UBR4: variants seen among roughly 807,000 people sequenced by gnomAD.
UBR4 encodes the protein ubiquitin protein ligase E3 component n-recognin 4, also known as E3 ubiquitin-protein ligase UBR4.
UBR4 carries 124 observed loss-of-function variants against 575.6 expected under a neutral mutation model. The observed-to-expected ratio is 0.22, with a 90% CI of 0.19 to 0.25. The LOEUF (loss-of-function observed/expected upper bound fraction) is 0.25. UBR4 is among the 10% of genes least tolerant of loss of function. The probability of loss-of-function intolerance (pLI) is 1.00; values close to 1 mark genes in which losing one functional copy is unlikely to be tolerated. For missense variants in UBR4, 4,818 were observed against 6,478.8 expected, an observed-to-expected ratio of 0.74 and a Z score of 8.80; for synonymous variants, 2,455 against 2,473.7, an observed-to-expected ratio of 0.99 and a Z score of 0.22.
Position 19,074,617 on chromosome 1 carries a change from G to A in UBR4, c.*215C>T. Reference sequence around the variant, plus strand: ...CCTAGGTATGTACAGGCCCTTTGATGGCTTGGGTTACAGACAACCTCATAG... The same window carrying A: ...CCTAGGTATGTACAGGCCCTTTGATAGCTTGGGTTACAGACAACCTCATAG... On this transcript the variant is annotated 3_prime_UTR_variant, in exon 106 of 106. Transcript: ENST00000375254. 1.7e-6 allele frequency: 1 copy of A among 601,192 alleles called. No individual in the cohort carries two copies. 37.2% of individuals were successfully genotyped at this position (601,192 alleles called of 1,614,324 possible).
chr1:19,104,927 A>G (rs767920062), intron 85 of UBR4, 121 bp downstream of exon 85: 23 of 1,448,238 alleles, frequency 1.6e-5, no homozygotes, highest in Admixed American at 6.7e-5. Context: ...ATATTTCCAA[A>G]CACCTTCAAC....
chr1:19,162,325 G>A, intron 35 of UBR4, 95 bp downstream of exon 35: 1 of 1,446,458 alleles, frequency 6.9e-7, no homozygotes, highest in South Asian at 1.4e-5. Flanking sequence ...AAGTTTTGAA[G>A]CTCACAGGAG....
chr1:19,193,108 A>G (rs931037159), intron 9 of UBR4, among the ~76,000 whole-genome samples: 1 of 152,206 alleles, frequency 6.6e-6, no homozygotes, highest in African/African-American at 2.4e-5. Context: ...GTATTGTTTC[A>G]GCGCACTTAA....
chr1:19,116,072 AGTCATAAAGAGGAAGGTAT>A (rs2080491508), intron 73 of UBR4, among the ~76,000 whole-genome samples: 1 of 152,220 alleles, frequency 6.6e-6, no homozygotes, highest in South Asian at 2.1e-4. Flanking sequence ...TGCTAAGTCA[AGTCATAAAGAGGAAGGTAT>A]GTAATAATTT....
At chr1:19,076,410 T>C (rs894464172) in intron 105 of UBR4, among the ~76,000 whole-genome samples, 1 of 152,198 alleles carries the variant, frequency 6.6e-6, no homozygotes, top group Non-Finnish European at 1.5e-5. Context: ...TGGCCACTTA[T>C]TTGATCTTCA....
At chr1:19,188,909 C>CAG (rs1412385669) in intron 11 of UBR4, among the ~76,000 whole-genome samples, 1 of 152,104 alleles carries the variant, frequency 6.6e-6, no homozygotes, top group Non-Finnish European at 1.5e-5. Context: ...TTCAAGGTTA[C>CAG]AGTGAGCTAT....
At chr1:19,121,859 T>C (rs2081216932) in intron 67 of UBR4, 75 bp downstream of exon 67, 6 of 1,515,724 alleles carry the variant, frequency 4.0e-6, no homozygotes, top group East Asian at 4.6e-5. Context: ...TCCAGTTCAG[T>C]GCTTGGCATA....
intron 14 of UBR4, among the ~76,000 whole-genome samples, chr1:19,185,674 A>T (rs900327362): frequency 6.6e-6 from 1 of 151,354 alleles, no homozygotes; most frequent in Non-Finnish European, 1.5e-5. Flanking sequence ...CCCAGGTTCA[A>T]GCGATTCTCC....
intron 74 of UBR4, among the ~76,000 whole-genome samples, chr1:19,115,153 C>T (rs1399600952): frequency 6.6e-6 from 1 of 152,008 alleles, no homozygotes; most frequent in African/African-American, 2.4e-5. Context: ...TCCCTCCGCC[C>T]TTACCCTCCA....
chr1:19,161,690 T>C lies in UBR4; in HGVS notation c.5074A>G (p.Thr1692Ala). The C allele has an allele frequency of 6.2e-7, 1 of 1,613,722 alleles. No individual in the cohort carries two copies. Among genetic ancestry groups the C allele is most frequent in the Non-Finnish European group, 8.5e-7 (1 of 1,179,696 alleles). Residue 1692 changes from threonine (T) to alanine (A), a missense_variant, in exon 37 of 106, where the codon ACA (threonine) becomes GCA (alanine). Around this residue, in one of 29 missense-constraint regions of UBR4, gnomAD observed 7 missense variants for 63.2 expected, o/e 0.11. Coordinates refer to ENST00000375254, the MANE Select transcript of UBR4 (RefSeq NM_020765.3). The part of the protein sequence containing the change: ...CKMVDGVGVC[T>A]VCAKVCHKDH... ...TTGTGGCACACCTTAGCACACACTGTGCAGACACCCACGCCATCCACCATT... is the reference window on the plus strand; with the variant it reads ...TTGTGGCACACCTTAGCACACACTGCGCAGACACCCACGCCATCCACCATT...
At chr1:19,081,028 GA>G (rs1168072728) in intron 103 of UBR4, 1 of 231,504 alleles carries the variant, frequency 4.3e-6, no homozygotes, top group Non-Finnish European at 8.4e-6. Context: ...GCAAGATGTG[GA>G]AAACCTGATT....
rs749645294 is a variant in UBR4, at chr1:19,139,235, A to G, written c.8594-15T>C. On this transcript the variant is annotated splice_polypyrimidine_tract_variant and intron_variant, in intron 58 of 105. Coordinates refer to ENST00000375254, the MANE Select transcript of UBR4 (RefSeq NM_020765.3). This position sits in a 1 kb window ranked among gnomAD's most constrained non-coding sequence, Gnocchi z 4.2. The stretch of plus-strand genomic sequence containing the variant: ...TGAGGCTGGAGCTGAGAGAGTAACG[A>G]GAGCTGTTACAGGTTAAAAAACAAA... The G allele has an allele frequency of 6.3e-6, 10 of 1,593,638 alleles. No individual in the cohort carries two copies. The highest frequency in any genetic ancestry group is 2.6e-6 in the Non-Finnish European group (3 of 1,169,816).
rs773054063 is a variant in UBR4 at position 19,210,220 on chromosome 1, G to A, written c.29C>T (p.Ala10Val). Residue 10 changes from alanine (A) to valine (V), a missense_variant, in exon 1 of 106, where the codon GCG (alanine) becomes GTG (valine). By Grantham distance (64) the Ala-to-Val change is moderately conservative (BLOSUM62 0). Coordinates refer to ENST00000375254, the MANE Select transcript of UBR4 (RefSeq NM_020765.3). MATSGGEEAAAAAPAPGTPA... is the reference protein window; with the variant it reads MATSGGEEAVAAAPAPGTPA... ...GGTCCCCGGCGCCGGAGCCGCTGCC[G>A]CCGCCTCTTCGCCGCCGCTCGTCGC... 2.8e-6 allele frequency: 4 copies of A among 1,440,360 alleles called. No individual in the cohort carries two copies. The highest frequency in any genetic ancestry group is 3.6e-6 in the Non-Finnish European group (4 of 1,099,906). 89.2% of individuals were successfully genotyped at this position (1,440,360 alleles called of 1,614,324 possible). A position where few individuals can be genotyped will look rare whatever the true frequency, so the allele number is the denominator to read the frequency against.
intron 99 of UBR4, 68 bp from the exon 100 acceptor site, chr1:19,086,889 G>T: frequency 1.3e-6 from 2 of 1,580,916 alleles, no homozygotes; most frequent in Non-Finnish European, 1.7e-6. Flanking sequence ...AAGCAGAATA[G>T]AGGGGAACTG....
intron 8 of UBR4, 152 bp from the exon 9 acceptor site, chr1:19,193,709 T>C: frequency 2.8e-6 from 3 of 1,082,140 alleles, no homozygotes; most frequent in East Asian, 2.7e-5. Context: ...AGGTTTACCA[T>C]ACAATTCAGT....
rs1228756021 is a variant in UBR4 at position 19,078,119 on chromosome 1, A to C, written c.15234-53T>G. The C allele has an allele frequency of 3.2e-6, 5 of 1,577,374 alleles. No individual in the cohort carries two copies. The Admixed American group carries it at 8.7e-5, about 28-fold the overall frequency. On this transcript the variant is annotated intron_variant, in intron 103 of 105. Transcript: ENST00000375254. ...ATGAAGTCCCTAGGAGGATACTCAC[A>C]AGGACAGAGCAAGGCATGCTGGGAG... is the stretch of plus-strand genomic sequence containing the variant.
Position 19,161,886 on chromosome 1 carries a change from A to T in UBR4, c.4968T>A (p.Ser1656=), listed in dbSNP as rs1219731135. ...DSQAEDSDED[S]LCNKLCTFTI... Reference sequence around the variant, plus strand: ...TAAAAGTGCAGAGTTTATTGCAAAGAGAATCTTCATCCTTCAAAAATAATA... The same window carrying T: ...TAAAAGTGCAGAGTTTATTGCAAAGTGAATCTTCATCCTTCAAAAATAATA... The change falls in exon 36 of 106, where the codon TCT becomes TCA. Residue 1656 remains serine, a synonymous_variant. Transcript: ENST00000375254. 6.2e-7 allele frequency: 1 copy of T among 1,614,206 alleles called. No individual in the cohort carries two copies. The highest frequency in any genetic ancestry group is 1.7e-5 in the Admixed American group (1 of 60,034).
At chr1:19,111,415 G>A (rs997912924) in intron 78 of UBR4, among the ~76,000 whole-genome samples, 12 of 152,260 alleles carry the variant, frequency 7.9e-5, no homozygotes, top group Non-Finnish European at 1.5e-4. Context: ...CTGCATCCCT[G>A]TCTCCAGCTA....
At position 19,173,189 on chromosome 1, in the gene UBR4, C is replaced by A. The variant is rs751267140; in HGVS notation, c.3283G>T (p.Ala1095Ser). 2 of 1,614,146 alleles carry A rather than the reference C, an allele frequency of 1.2e-6. No homozygotes were observed. The highest frequency in any genetic ancestry group is 8.5e-7 in the Non-Finnish European group (1 of 1,180,014). The change falls in exon 24 of 106, where the codon GCT (alanine) becomes TCT (serine). Residue 1095 changes from alanine to serine, a missense_variant. Coordinates refer to ENST00000375254, the MANE Select transcript of UBR4 (RefSeq NM_020765.3). ...YDVEIVEEYF[A>S]RQISSFCSID... is the part of the protein sequence containing the mutation. Reference sequence around the variant, plus strand: ...GTTCCAATATTACATACCTGTCGAGCGAAGTATTCCTCTACTATTTCAACA... The same window carrying A: ...GTTCCAATATTACATACCTGTCGAGAGAAGTATTCCTCTACTATTTCAACA...
Sources: gnomAD v4.1 joint callset for allele counts (sites outside exome capture counted in the v4.1 genomes callset) on GRCh38, gnomAD v4.1.1 for gene constraint, gnomAD v4.1.1 regional missense constraint, Gnocchi (gnomAD v3.1) non-coding constraint, MANE v1.5 for transcripts, NCBI Gene and HGNC (gene_info 2026-07-23, HGNC 2026-07-21) for gene names.